Variants in GDAP1 observed in about 807,000 individuals in gnomAD.
The protein encoded by GDAP1 is ganglioside induced differentiation associated protein 1, also known as ganglioside-induced differentiation-associated protein 1.
A neutral mutation model predicts 40.1 loss-of-function variants in GDAP1; 34 were observed. The observed-to-expected ratio is 0.85, with a 90% CI of 0.64 to 1.13. The LOEUF (loss-of-function observed/expected upper bound fraction) is 1.13. Among genes scored for constraint, GDAP1 ranks in the 50% most tolerant of loss-of-function variants. GDAP1 has a pLI of 0.00. For missense variants in GDAP1, 374 were observed against 433.7 expected, an observed-to-expected ratio of 0.86 and a Z score of 1.22; for synonymous variants, 170 against 157.4, an observed-to-expected ratio of 1.08 and a Z score of -0.60.
chr8:74,373,433 T>C (rs1435720281), intron 2 of GDAP1, among the ~76,000 whole-genome samples: 2 of 152,172 alleles, frequency 1.3e-5, no homozygotes, highest in Non-Finnish European at 2.9e-5. Context: ...TTTATTTCGT[T>C]GAGCACTGGT....
chr8:74,374,368 A>C (rs1308787974), intron 2 of GDAP1, among the ~76,000 whole-genome samples: 1 of 152,060 alleles, frequency 6.6e-6, no homozygotes, highest in East Asian at 1.9e-4. Context: ...TAGAATGGGA[A>C]ATTTATAGCT....
chr8:74,362,086 C>A, intron 4 of GDAP1, 108 bp downstream of exon 4: 1 of 713,430 alleles, frequency 1.4e-6, no homozygotes, highest in South Asian at 1.5e-5. Flanking sequence ...TATTGCAGTT[C>A]ACCAGTACAC....
chr8:74,367,232 T>C (rs190172195), downstream of GDAP1: 2 of 154,502 alleles, frequency 1.3e-5, no homozygotes, highest in African/African-American at 4.8e-5. Context: ...TCTTACATGT[T>C]TACTGGGTTT....
At chr8:74,487,199 G>A (rs745839326) in intron 2 of GDAP1, among the ~76,000 whole-genome samples, 10 of 152,016 alleles carry the variant, frequency 6.6e-5, no homozygotes, top group Non-Finnish European at 1.5e-4. Flanking sequence ...AAACGAAATA[G>A]GTCAGTTGTC....
chr8:74,394,421 AG>A (rs1288025555), intron 2 of GDAP1, among the ~76,000 whole-genome samples: 1 of 152,116 alleles, frequency 6.6e-6, no homozygotes, highest in East Asian at 1.9e-4. Context: ...AAGATAGGAG[AG>A]GTAATCAATC....
intron 2 of GDAP1, among the ~76,000 whole-genome samples, chr8:74,385,352 C>A (rs1324031188): frequency 6.6e-6 from 1 of 152,024 alleles, no homozygotes; most frequent in East Asian, 1.9e-4. Context: ...CAACAGGCCC[C>A]GGTGTGTGAT....
chr8:74,471,246 G>C (rs1456769618), intron 2 of GDAP1, among the ~76,000 whole-genome samples: 1 of 152,018 alleles, frequency 6.6e-6, no homozygotes, highest in Admixed American at 6.6e-5. Flanking sequence ...AAGCTCTTTA[G>C]TTTAATTAGA....
At chr8:74,428,016 A>G (rs1805970213) in intron 2 of GDAP1, among the ~76,000 whole-genome samples, 1 of 152,204 alleles carries the variant, frequency 6.6e-6, no homozygotes, top group African/African-American at 2.4e-5. Flanking sequence ...TGCCTTCTAA[A>G]TCCCCAGAGA....
Position 74,360,047 on chromosome 8 carries a change from AATG to A in GDAP1, c.311-85_311-83del, listed in dbSNP as rs145768916. The A allele has an allele frequency of 0.039, 34,398 of 873,852 alleles. 780 individuals are homozygous for A. Among genetic ancestry groups the A allele is most frequent in the Non-Finnish European group, 0.049 (25,638 of 522,628 alleles). 54.1% of individuals were successfully genotyped at this position (873,852 alleles called of 1,614,324 possible). A position where few individuals can be genotyped will look rare whatever the true frequency, so the allele number is the denominator to read the frequency against. Reference sequence around the variant, plus strand: ...AATATACAGATATGTTGAAAATGTTAATGATGAGTGGATAGTGTTTTTGTTTTG... The same window carrying A: ...AATATACAGATATGTTGAAAATGTTAATGAGTGGATAGTGTTTTTGTTTTG... On this transcript the variant is annotated intron_variant, in intron 2 of 5. Transcript: ENST00000220822.
chr8:74,481,893 A>G (rs1263441116), intron 2 of GDAP1, among the ~76,000 whole-genome samples: 1 of 152,178 alleles, frequency 6.6e-6, no homozygotes, highest in East Asian at 1.9e-4. Flanking sequence ...ACTTACCATC[A>G]TTTATTTTAA....
chr8:74,356,692 T>TGTG (rs1563440290), intron 2 of GDAP1, among the ~76,000 whole-genome samples: 2 of 95,306 alleles, frequency 2.1e-5, no homozygotes, highest in East Asian at 3.1e-4. Flanking sequence ...GTGTGTGTGT[T>TGTG]TGTGTGTGTG....
intron 2 of GDAP1, among the ~76,000 whole-genome samples, chr8:74,453,025 T>C (rs1168302624): frequency 1.2e-5 from 1 of 83,250 alleles, no homozygotes; most frequent in Non-Finnish European, 2.4e-5. Flanking sequence ...TTGTTAGTCG[T>C]GCTAAATCAC....
At chr8:74,376,187 A>G (rs1184997939) in intron 2 of GDAP1, among the ~76,000 whole-genome samples, 1 of 152,180 alleles carries the variant, frequency 6.6e-6, no homozygotes, top group Non-Finnish European at 1.5e-5. Context: ...TTCTCCGCAA[A>G]TGTATCTGTA....
chr8:74,362,785 T>C, intron 4 of GDAP1, among the ~76,000 whole-genome samples, 154 bp from the exon 5 acceptor site: 1 of 52,184 alleles, frequency 1.9e-5, no homozygotes, highest in East Asian at 6.6e-4. Context: ...TCTCTCTCTC[T>C]TTTTTTTTTT....
chr8:74,425,725 T>C lies in GDAP1; in HGVS notation c.166-62953T>C, dbSNP rs142263599. ...GTGACATAAGAGAACCTCTACTATG[T>C]GGAAGATACAAACTTATCATTGGTC... On this transcript the variant is annotated intron_variant, in intron 2 of 2. Transcript: ENST00000523640. Among the ~76,000 whole-genome samples, 345 of 152,346 alleles carry C rather than the reference T, an allele frequency of 2.3e-3. 2 individuals carry two copies. Among genetic ancestry groups the C allele is most frequent in the African/African-American group, 8.0e-3 (332 of 41,584 alleles).
At chr8:74,361,423 A>G (rs943566229) in intron 3 of GDAP1, among the ~76,000 whole-genome samples, 1 of 149,974 alleles carries the variant, frequency 6.7e-6, no homozygotes, top group Non-Finnish European at 1.5e-5. Flanking sequence ...TTTTGGATGG[A>G]GTCTCGCTCT....
chr8:74,425,813 A>C (rs1273600335), intron 2 of GDAP1, among the ~76,000 whole-genome samples: 1 of 152,170 alleles, frequency 6.6e-6, no homozygotes, highest in Non-Finnish European at 1.5e-5. Flanking sequence ...GAATGTTTCT[A>C]TGTTTAGAGG....
chr8:74,381,063 G>T (rs1044242322), intron 2 of GDAP1, among the ~76,000 whole-genome samples: 1 of 143,076 alleles, frequency 7.0e-6, no homozygotes, highest in Non-Finnish European at 1.5e-5. Flanking sequence ...AAGAAATGTG[G>T]GGGTGAGGGA....
At chr8:74,368,835 C>T (rs1809701796), downstream of GDAP1, among the ~76,000 whole-genome samples, 1 of 152,108 alleles carries the variant, frequency 6.6e-6, no homozygotes, top group East Asian at 1.9e-4. Context: ...GGATGTTTAC[C>T]AGCTTCCTTG....
Sources: allele counts gnomAD v4.1 joint callset (sites outside exome capture counted in the v4.1 genomes callset), GRCh38; gene constraint gnomAD v4.1.1; transcripts MANE v1.5; gene names NCBI Gene and HGNC (gene_info 2026-07-23, HGNC 2026-07-21).